MPP3: variants seen among roughly 807,000 people sequenced by gnomAD.
MPP3 encodes MAGUK p55 scaffold protein 3.
Under a neutral mutation model 80.7 loss-of-function variants are expected in MPP3, and 48 were observed. The ratio of observed to expected loss-of-function variants is 0.59; its 90% CI spans 0.47 to 0.76. The LOEUF is 0.76. MPP3 is among the 30% of genes least tolerant of loss of function. The probability of loss-of-function intolerance (pLI) is 0.00; values close to 1 mark genes in which losing one functional copy is unlikely to be tolerated. For missense variants in MPP3, 620 were observed against 763.0 expected, an observed-to-expected ratio of 0.81 and a Z score of 2.21; for synonymous variants, 311 against 297.6, an observed-to-expected ratio of 1.04 and a Z score of -0.46.
At chr17:43,814,449 C>A (rs1448849919) in intron 14 of MPP3, 88 bp from the exon 15 acceptor site, 1 of 1,403,058 alleles carries the variant, frequency 7.1e-7, no homozygotes, top group Non-Finnish European at 9.6e-7. Flanking sequence ...CTGGCCAGAC[C>A]TGGAGATGGG....
chr17:43,828,330 C>T (rs1054941786), intron 7 of MPP3, among the ~76,000 whole-genome samples: 4 of 152,172 alleles, frequency 2.6e-5, no homozygotes, highest in African/African-American at 9.7e-5. Flanking sequence ...GGACTTGGCC[C>T]ATGAAGCACA....
intron 8 of MPP3, among the ~76,000 whole-genome samples, chr17:43,826,354 G>T (rs1222809440): frequency 6.6e-6 from 1 of 152,192 alleles, no homozygotes; most frequent in Non-Finnish European, 1.5e-5. Context: ...GCTACTCAAA[G>T]TGGGCACTGG....
At chr17:43,807,472 C>G (rs2044668633) in intron 19 of MPP3, among the ~76,000 whole-genome samples, 1 of 151,602 alleles carries the variant, frequency 6.6e-6, no homozygotes, top group African/African-American at 2.4e-5. Context: ...TTTGTGCCAC[C>G]ACACCTGGCT....
intron 19 of MPP3, among the ~76,000 whole-genome samples, chr17:43,805,726 G>A (rs1350408985): frequency 6.6e-6 from 1 of 152,202 alleles, no homozygotes; most frequent in Admixed American, 6.5e-5. Flanking sequence ...TATATGAAAT[G>A]TTTAGAATAG....
In MPP3 at chr17:43,825,059, T is replaced by C. The variant is rs570487146; in HGVS notation, c.609+697A>G. 672 of 152,396 alleles carry C rather than the reference T, an allele frequency of 4.4e-3. 8 individuals carry two copies. Among genetic ancestry groups the C allele is most frequent in the Non-Finnish European group, 2.7e-3 (186 of 68,128 alleles). 9.4% of individuals were successfully genotyped at this position (152,396 alleles called of 1,614,324 possible). ...AAGTGCTGGGATTACAGGTGTGAAC[T>C]ACTGAGCCCAGCCCAGAGAGGGCTT... is the stretch of plus-strand genomic sequence containing the variant. On this transcript the variant is annotated intron_variant, in intron 9 of 19. Coordinates refer to ENST00000398389, the MANE Select transcript of MPP3 (RefSeq NM_001932.6).
In MPP3 at chr17:43,821,109, C is replaced by T. The variant is rs757891213; in HGVS notation, c.685-51G>A. 5 of 1,572,892 alleles carry T rather than the reference C, an allele frequency of 3.2e-6. No individual in the cohort carries two copies. In the South Asian group the frequency reaches 3.4e-5, roughly 11 times the overall value. On this transcript the variant is annotated intron_variant, in intron 10 of 19. Transcript: ENST00000398389. ...CGGCCCTTCCCCAAGTGAGCACAGACAGGTCATTGTCACATCAAAGGCCAC... is the reference window on the plus strand; with the variant it reads ...CGGCCCTTCCCCAAGTGAGCACAGATAGGTCATTGTCACATCAAAGGCCAC...
chr17:43,825,487 G>A (rs766726065), intron 9 of MPP3: 7 of 385,224 alleles, frequency 1.8e-5, no homozygotes, highest in Non-Finnish European at 2.9e-5. Flanking sequence ...CAGGACCCAG[G>A]AGGGGCCTTG....
chr17:43,829,827 G>C (rs73985454), intron 6 of MPP3, 36 bp from the exon 7 acceptor site: 11 of 1,611,974 alleles, frequency 6.8e-6, no homozygotes, highest in Admixed American at 1.7e-5. Flanking sequence ...AGGCTGGCCC[G>C]CCGCTCACAG....
chr17:43,830,320 C>A (rs1598371753), intron 5 of MPP3, among the ~76,000 whole-genome samples: 1 of 152,190 alleles, frequency 6.6e-6, no homozygotes, highest in East Asian at 1.9e-4. Context: ...GTTTTAAGCC[C>A]TACGTGCTTT....
At chr17:43,813,965 T>C (rs746944488) in intron 16 of MPP3, 46 bp downstream of exon 16, 1 of 1,430,164 alleles carries the variant, frequency 7.0e-7, no homozygotes, top group South Asian at 1.2e-5. Flanking sequence ...CATGGAATAT[T>C]TGTGTGTGTG....
intron 8 of MPP3, among the ~76,000 whole-genome samples, chr17:43,826,881 T>C (rs2045727479): frequency 6.7e-6 from 1 of 149,936 alleles, no homozygotes; most frequent in African/African-American, 2.5e-5. Context: ...CGTCGCCCAC[T>C]CTAGAGTGTA....
At chr17:43,815,191 G>A (rs1459442974) in intron 14 of MPP3, among the ~76,000 whole-genome samples, 1 of 151,884 alleles carries the variant, frequency 6.6e-6, no homozygotes, top group African/African-American at 2.4e-5. Context: ...AATTAGCCAG[G>A]TATAGTGGCA....
rs1465336054 is a variant in MPP3 at position 43,831,574 on chromosome 17, G to C, written c.129C>G (p.Leu43=). ...GGGACTTCACCTTCATTAAGTAACT[G>C]AGGCTTTTTTCACTGAAAACATCCC... is the stretch of plus-strand genomic sequence containing the variant. The part of the protein sequence containing the change: ...FLRDVFSEKS[L]SYLMKIHEKL... Residue 43 remains leucine, a synonymous_variant, in exon 4 of 20, where the codon CTC becomes CTG. Transcript: ENST00000398389. 2 of 1,612,772 alleles carry C rather than the reference G, an allele frequency of 1.2e-6. No homozygotes were observed. Among genetic ancestry groups the C allele is most frequent in the South Asian group, 1.1e-5 (1 of 91,012 alleles).
chr17:43,808,303 CACA>C (rs1200264002), intron 19 of MPP3, among the ~76,000 whole-genome samples: 1 of 152,120 alleles, frequency 6.6e-6, no homozygotes, highest in Non-Finnish European at 1.5e-5. Flanking sequence ...CCCCACCACC[CACA>C]ACAACTTCCA....
At chr17:43,827,068 C>T (rs914841866) in intron 8 of MPP3, among the ~76,000 whole-genome samples, 25 of 151,812 alleles carry the variant, frequency 1.6e-4, no homozygotes, top group Admixed American at 1.6e-3. Flanking sequence ...CAGGCGGGAG[C>T]GCAATGGCGC....
intron 8 of MPP3, among the ~76,000 whole-genome samples, chr17:43,826,367 C>T (rs2045695932): frequency 6.6e-6 from 1 of 152,184 alleles, no homozygotes; most frequent in South Asian, 2.1e-4. Flanking sequence ...GGCACTGGCC[C>T]GGCTGCATCA....
intron 10 of MPP3, among the ~76,000 whole-genome samples, chr17:43,822,049 T>A (rs1859283485): frequency 6.6e-6 from 1 of 152,198 alleles, no homozygotes; most frequent in South Asian, 2.1e-4. Context: ...AGGCTACTCA[T>A]TTTGTCCTTT....
intron 18 of MPP3, 123 bp from the exon 19 acceptor site, chr17:43,809,201 A>G: frequency 9.8e-7 from 1 of 1,020,874 alleles, no homozygotes. Context: ...TCCTGGTTAC[A>G]TGGGTCCCAT....
At position 43,829,829 on chromosome 17, in the gene MPP3, C is replaced by T. The variant is rs371870187; in HGVS notation, c.304-38G>A. On this transcript the variant is annotated intron_variant, in intron 6 of 19. Transcript: ENST00000398389. ...CCAGAGAAAAGGAAGGCTGGCCCGC[C>T]GCTCACAGGGTCAGCAGGCCGCAGC... The T allele has an allele frequency of 1.4e-5, 23 of 1,612,202 alleles. No individual in the cohort carries two copies. In the Middle Eastern group the frequency reaches 8.3e-4, roughly 58 times the overall value.
Sources: gnomAD v4.1 joint callset for allele counts (sites outside exome capture counted in the v4.1 genomes callset) on GRCh38, gnomAD v4.1.1 for gene constraint, MANE v1.5 for transcripts, NCBI Gene and HGNC (gene_info 2026-07-23, HGNC 2026-07-21) for gene names.